The following CELF2 variants were observed in gnomAD, a reference collection of about 807,000 sequenced individuals.
The protein encoded by CELF2 is CUGBP Elav-like family member 2.
Under a neutral mutation model 62.6 loss-of-function variants are expected in CELF2, and 8 were observed. That is an observed-to-expected ratio of 0.13 (90% CI 0.07 to 0.23). The LOEUF is 0.23. Ranked by LOEUF, CELF2 falls within the 10% of genes least tolerant of loss-of-function variation. The pLI, the probability that CELF2 is intolerant of heterozygous loss-of-function variation, is 1.00. For synonymous variants in CELF2, 258 were observed against 250.0 expected (o/e 1.03, Z -0.30); for missense variants, 333 against 671.0 (o/e 0.50, Z 5.56).
intron 2 of CELF2, among the ~76,000 whole-genome samples, chr10:11,182,090 T>C (rs1271861490): frequency 1.3e-5 from 2 of 152,242 alleles, no homozygotes; most frequent in Non-Finnish European, 2.9e-5. Context: ...AACAGTTCAC[T>C]CTGTCATTGG....
chr10:10,561,800 G>A, the CELF2 span, among the ~76,000 whole-genome samples: 1 of 152,258 alleles, frequency 6.6e-6, no homozygotes, highest in East Asian at 1.9e-4. Context: ...TCCTGGCTGG[G>A]TGTCTTCTAG....
the CELF2 span, among the ~76,000 whole-genome samples, chr10:10,723,285 C>G: frequency 6.6e-6 from 1 of 152,148 alleles, no homozygotes; most frequent in African/African-American, 2.4e-5. Flanking sequence ...TAAACGTCAA[C>G]TATGTCTTGA....
chr10:10,859,481 C>A lies in CELF2; in HGVS notation c.54-60483C>A, dbSNP rs943168543. ...ATGGGAAATAGCCACCACAGTATGA[C>A]CCTGTTAACTGTTCTGAAAAGAGGG... is the stretch of plus-strand genomic sequence containing the variant. On this transcript the variant is annotated intron_variant, in intron 1 of 13. Coordinates refer to the CELF2 transcript ENST00000636488. Among the ~76,000 whole-genome samples, 3 of 152,148 alleles carry A rather than the reference C, an allele frequency of 2.0e-5. No individual in the cohort carries two copies. The East Asian group carries it at 5.8e-4, about 29-fold the overall frequency.
At position 10,983,007 on chromosome 10, in the gene CELF2, C is replaced by T. The variant is rs1395022089; in HGVS notation, c.89+63008C>T. On this transcript the variant is annotated intron_variant, in intron 2 of 13. Coordinates refer to the CELF2 transcript ENST00000636488. This position sits in a 1 kb window ranked among gnomAD's most constrained non-coding sequence, Gnocchi z 5.2. ...TGTTGTCAAGATATGCTGAATGAGCCCCTTCCCCCAGAAATGTTGCCATAT... is the reference window on the plus strand; with the variant it reads ...TGTTGTCAAGATATGCTGAATGAGCTCCTTCCCCCAGAAATGTTGCCATAT... Among the ~76,000 whole-genome samples, 1 of 151,970 alleles carries T rather than the reference C, an allele frequency of 6.6e-6. No homozygotes were observed. The highest frequency in any genetic ancestry group is 6.6e-5 in the Admixed American group (1 of 15,248).
chr10:11,146,408 A>G (rs929685206), intron 1 of CELF2, among the ~76,000 whole-genome samples: 37 of 152,234 alleles, frequency 2.4e-4, no homozygotes, highest in African/African-American at 8.7e-4. Flanking sequence ...ATAATGTGTA[A>G]GCATAGCTGT....
the CELF2 span, among the ~76,000 whole-genome samples, chr10:10,785,260 C>T: frequency 6.6e-6 from 1 of 152,156 alleles, no homozygotes; most frequent in Non-Finnish European, 1.5e-5. Flanking sequence ...ACCTGGGTGC[C>T]AGCTTCTGAG....
At chr10:11,313,163 C>T (rs1003769352) in intron 9 of CELF2, among the ~76,000 whole-genome samples, 2 of 152,198 alleles carry the variant, frequency 1.3e-5, no homozygotes, top group African/African-American at 4.8e-5. Context: ...TCATACAAAA[C>T]AGACTTCAAG....
At chr10:10,791,457 T>C in the CELF2 span, among the ~76,000 whole-genome samples, 12 of 151,700 alleles carry the variant, frequency 7.9e-5, no homozygotes, top group African/African-American at 2.9e-4. Context: ...TAATTACAAA[T>C]GATTTTTAAA....
rs2139377696 is a variant in CELF2 at position 11,039,449 on chromosome 10, G to C, written c.74+21286G>C. ...CTGGTTGTGTGAATTATACCATTAG[G>C]GTGGTGAGCTATGTAGTCACGGTCA... On this transcript the variant is annotated intron_variant, in intron 1 of 12. Transcript: ENST00000633077. This position sits in a 1 kb window ranked among gnomAD's most constrained non-coding sequence, Gnocchi z 4.1. Among the ~76,000 whole-genome samples the C allele has an allele frequency of 6.6e-6, 1 of 152,230 alleles. No homozygotes were observed. Among genetic ancestry groups the C allele is most frequent in the East Asian group, 1.9e-4 (1 of 5,178 alleles).
chr10:10,822,879 AC>A (rs1043735875), intron 1 of CELF2, among the ~76,000 whole-genome samples: 6 of 152,220 alleles, frequency 3.9e-5, no homozygotes, highest in Non-Finnish European at 8.8e-5. Context: ...CTAATAGCTT[AC>A]CCAGGACTAA....
At chr10:10,838,605 T>C (rs949285339) in intron 1 of CELF2, among the ~76,000 whole-genome samples, 1 of 152,236 alleles carries the variant, frequency 6.6e-6, no homozygotes, top group East Asian at 1.9e-4. Context: ...AATTTCATAC[T>C]TTGGATTGTA....
chr10:11,212,343 C>T (rs779979344), intron 2 of CELF2, among the ~76,000 whole-genome samples: 2 of 152,178 alleles, frequency 1.3e-5, no homozygotes, highest in Non-Finnish European at 2.9e-5. Context: ...GAGGCCCCCC[C>T]GGGCCTGCCT....
intron 2 of CELF2, among the ~76,000 whole-genome samples, chr10:10,988,673 T>TA (rs1416499577): frequency 6.6e-6 from 1 of 151,986 alleles, no homozygotes; most frequent in Non-Finnish European, 1.5e-5. Context: ...AGTAAAAATA[T>TA]AAAAAATATT....
chr10:11,000,189 A>G (rs551166588), intron 2 of CELF2, among the ~76,000 whole-genome samples: 1 of 152,150 alleles, frequency 6.6e-6, no homozygotes, highest in East Asian at 1.9e-4. Flanking sequence ...TTAATCAACT[A>G]CATTATCCAT....
chr10:11,054,483 G>GTT (rs1196757027), intron 1 of CELF2, among the ~76,000 whole-genome samples: 2 of 86,986 alleles, frequency 2.3e-5, no homozygotes, highest in Non-Finnish European at 4.3e-5. Flanking sequence ...AACTGTGTAT[G>GTT]TGTGTTTGTG....
chr10:11,071,622 G>C (rs2070049876), intron 1 of CELF2: 1 of 152,162 alleles, frequency 6.6e-6, no homozygotes, highest in Non-Finnish European at 1.5e-5. Context: ...GCCAATTCAA[G>C]ATCAGCTCCC....
At chr10:11,215,216 G>C (rs954101159) in intron 2 of CELF2, among the ~76,000 whole-genome samples, 1 of 152,206 alleles carries the variant, frequency 6.6e-6, no homozygotes, top group Non-Finnish European at 1.5e-5. Flanking sequence ...CAGGGATTTT[G>C]CTTGGGTGTC....
rs1207304995 is a variant in CELF2 at position 11,324,481 on chromosome 10, T to G, written c.1295-1355T>G. Among the ~76,000 whole-genome samples, 1 of 152,244 alleles carries G rather than the reference T, an allele frequency of 6.6e-6. No individual in the cohort carries two copies. Among genetic ancestry groups the G allele is most frequent in the Non-Finnish European group, 1.5e-5 (1 of 68,042 alleles). On this transcript the variant is annotated intron_variant, in intron 11 of 12. Coordinates refer to ENST00000633077, the MANE Select transcript of CELF2 (RefSeq NM_001326342.2). The surrounding 1 kb of genome is among the most constrained non-coding windows in gnomAD (Gnocchi z 4.7). ...AAAGGCCCCCCTGCAATTGTGTCCC[T>G]TTAAAATAGACTCCTTCCCATGCCC... is the stretch of plus-strand genomic sequence containing the variant.
At chr10:10,906,682 A>G (rs1056841835) in intron 1 of CELF2, among the ~76,000 whole-genome samples, 3 of 151,414 alleles carry the variant, frequency 2.0e-5, no homozygotes, top group African/African-American at 7.3e-5. Flanking sequence ...AGTAGAGAAC[A>G]TACCAGAACA....
Sources: allele counts gnomAD v4.1 joint callset (sites outside exome capture counted in the v4.1 genomes callset), GRCh38; gene constraint gnomAD v4.1.1; non-coding constraint Gnocchi (gnomAD v3.1); transcripts MANE v1.5; gene names NCBI Gene and HGNC (gene_info 2026-07-23, HGNC 2026-07-21).